Variants in UTP15 observed in about 807,000 individuals in gnomAD.
UTP15 encodes the protein U3 small nucleolar RNA-associated protein 15 homolog.
A neutral mutation model predicts 59.1 loss-of-function variants in UTP15; 5 were observed. The ratio of observed to expected loss-of-function variants is 0.08; its 90% CI spans 0.04 to 0.18. The LOEUF is 0.18. Ranked by LOEUF, UTP15 falls within the 10% of genes least tolerant of loss-of-function variation. The pLI is 1.00. For synonymous variants in UTP15, 211 were observed against 212.2 expected, an observed-to-expected ratio of 0.99 and a Z score of 0.05; for missense variants, 494 against 616.7, an observed-to-expected ratio of 0.80 and a Z score of 2.11.
In UTP15 at chr5:73,579,262, A is replaced by G. The variant is rs1383124540; in HGVS notation, c.1281-55A>G. On this transcript the variant is annotated intron_variant, in intron 11 of 12. Coordinates refer to ENST00000296792, the MANE Select transcript of UTP15 (RefSeq NM_032175.4). Reference sequence around the variant, plus strand: ...AGAACTGATGAAACAAATCTGTTTTAAGGATTTTTTTTTTAAGTTTACAAG... The same window carrying G: ...AGAACTGATGAAACAAATCTGTTTTGAGGATTTTTTTTTTAAGTTTACAAG... 3.8e-6 allele frequency: 6 copies of G among 1,591,274 alleles called. No homozygotes were observed. In the African/African-American group the frequency reaches 8.1e-5, roughly 22 times the overall value.
intron 8 of UTP15, among the ~76,000 whole-genome samples, chr5:73,577,543 A>G (rs1292297592): frequency 6.6e-6 from 1 of 152,188 alleles, no homozygotes; most frequent in Non-Finnish European, 1.5e-5. Flanking sequence ...CTTATTAAAA[A>G]TATTTTTGGG....
intron 12 of UTP15, 137 bp downstream of exon 12, chr5:73,579,512 A>C (rs533881792): frequency 1.1e-5 from 8 of 733,902 alleles, no homozygotes; most frequent in African/African-American, 7.1e-5. Context: ...GGAGAAAACA[A>C]CAAGTCAGTG....
Position 73,568,308 on chromosome 5 carries a change from C to G in UTP15, c.164C>G (p.Ala55Gly). 1 of 1,609,066 alleles carries G rather than the reference C, an allele frequency of 6.2e-7. No individual in the cohort carries two copies. Among genetic ancestry groups the G allele is most frequent in the Non-Finnish European group, 8.5e-7 (1 of 1,178,336 alleles). ...DFSPQPPYNY[A>G]VTASSRIHIY... ...TCTCCTCAGCCTCCATATAATTATG[C>G]TGTCACAGCTTCCTCAAGAGTAAGT... The change falls in exon 3 of 13, where the codon GCT becomes GGT. Residue 55 changes from alanine (A) to glycine (G), a missense_variant. By Grantham distance (60) the Ala-to-Gly change is moderately conservative. Coordinates refer to ENST00000296792, the MANE Select transcript of UTP15 (RefSeq NM_032175.4).
In UTP15 at chr5:73,573,499, C is replaced by T. The variant is rs547395987; in HGVS notation, c.809+875C>T. ...CTGGCCTCGTGTGGTCTGCCCACCA[C>T]GCCCTCCCAAAGTGCTGGGATTACA... On this transcript the variant is annotated intron_variant, in intron 7 of 12. Coordinates refer to ENST00000296792, the MANE Select transcript of UTP15 (RefSeq NM_032175.4). Among the ~76,000 whole-genome samples the T allele has an allele frequency of 1.2e-3, 179 of 152,094 alleles. 1 individual carries two copies. The highest frequency in any genetic ancestry group is 1.7e-3 in the Non-Finnish European group (116 of 68,004).
chr5:73,570,256 C>A (rs1644521356), intron 5 of UTP15, among the ~76,000 whole-genome samples: 1 of 152,086 alleles, frequency 6.6e-6, no homozygotes, highest in South Asian at 2.1e-4. Context: ...TGTATAGTAC[C>A]CTGCCTCAAG....
chr5:73,579,255 C>A, intron 11 of UTP15, 62 bp from the exon 12 acceptor site: 1 of 1,591,488 alleles, frequency 6.3e-7, no homozygotes. Context: ...TGAAACAAAT[C>A]TGTTTTAAGG....
In UTP15 at chr5:73,580,208, C is replaced by T; in HGVS notation, c.*114C>T. 3 of 858,970 alleles carry T rather than the reference C, an allele frequency of 3.5e-6. No homozygotes were observed. The highest frequency in any genetic ancestry group is 2.7e-5 in the East Asian group (1 of 36,408). 53.2% of individuals were successfully genotyped at this position (858,970 alleles called of 1,614,324 possible). A position where few individuals can be genotyped will look rare whatever the true frequency, so the allele number is the denominator to read the frequency against. On this transcript the variant is annotated 3_prime_UTR_variant, in exon 13 of 13. Coordinates refer to ENST00000296792, the MANE Select transcript of UTP15 (RefSeq NM_032175.4). ...AAAAAAACTGTTTGCAGAAGCAGTT[C>T]TGTGGAAGAGACTGGAATAATTATG...
intron 11 of UTP15, 40 bp from the exon 12 acceptor site, chr5:73,579,277 A>G: frequency 6.3e-7 from 1 of 1,583,458 alleles, no homozygotes; most frequent in South Asian, 1.2e-5. Flanking sequence ...TTTTTTTTTT[A>G]AGTTTACAAG....
chr5:73,576,477 CTTT>C (rs754301537), intron 7 of UTP15, among the ~76,000 whole-genome samples: 1 of 130,024 alleles, frequency 7.7e-6, no homozygotes. Flanking sequence ...GTATACAGCT[CTTT>C]TTTTTTTTTT....
At chr5:73,572,698 A>G (rs1002053610) in intron 7 of UTP15, 74 bp downstream of exon 7, 27 of 1,445,806 alleles carry the variant, frequency 1.9e-5, no homozygotes, top group African/African-American at 2.9e-5. Context: ...GAGTTATTTC[A>G]GCAATATTTG....
rs993083060 is a variant in UTP15, at chr5:73,580,783, T to G, written c.*689T>G. 1 of 152,152 alleles carries G rather than the reference T, an allele frequency of 6.6e-6. No homozygotes were observed. The highest frequency in any genetic ancestry group is 2.4e-5 in the African/African-American group (1 of 41,436). The allele number at this position is 152,152 out of a possible 1,614,324, so 9.4% of individuals were successfully genotyped here. ...TTTTTTTTTTTTCTTCATGCAGCCT[T>G]TCTACCAAGTTTTCACCTTGTTTCA... On this transcript the variant is annotated 3_prime_UTR_variant, in exon 13 of 13. Coordinates refer to ENST00000296792, the MANE Select transcript of UTP15 (RefSeq NM_032175.4).
rs1256846548 is a variant in UTP15, at chr5:73,581,816, C to G, written c.*1722C>G. The G allele has an allele frequency of 3.3e-5, 5 of 151,938 alleles. No individual in the cohort carries two copies. Among genetic ancestry groups the G allele is most frequent in the African/African-American group, 1.2e-4 (5 of 41,352 alleles). 9.4% of individuals were successfully genotyped at this position (151,938 alleles called of 1,614,324 possible). A position where few individuals can be genotyped will look rare whatever the true frequency, so the allele number is the denominator to read the frequency against. On this transcript the variant is annotated 3_prime_UTR_variant, in exon 13 of 13. Transcript: ENST00000296792. The stretch of plus-strand genomic sequence containing the variant: ...GGTATGCTTGGAAATAGGGCGTTTC[C>G]TTTTCATGAATTGATTTCGTACAGC...
intron 8 of UTP15, among the ~76,000 whole-genome samples, chr5:73,577,286 C>T (rs1473704233): frequency 2.0e-5 from 3 of 152,072 alleles, no homozygotes; most frequent in Non-Finnish European, 4.4e-5. Context: ...AAACGCAGGA[C>T]CTGGGAAGCT....
intron 7 of UTP15, 66 bp downstream of exon 7, chr5:73,572,690 G>T: frequency 6.8e-7 from 1 of 1,464,160 alleles, no homozygotes; most frequent in Non-Finnish European, 9.3e-7. Flanking sequence ...GAGGAAATGA[G>T]TTATTTCAGC....
rs530523769 is a variant in UTP15 at position 73,576,173 on chromosome 5, C to T, written c.810-779C>T. Among the ~76,000 whole-genome samples, 81 of 147,580 alleles carry T rather than the reference C, an allele frequency of 5.5e-4. 1 individual carries two copies. The highest frequency in any genetic ancestry group is 2.8e-3 in the South Asian group (13 of 4,630). On this transcript the variant is annotated intron_variant, in intron 7 of 12. Transcript: ENST00000296792. ...AGGCTGGAGGGCAGTGGCACGATTTCGGCTCACTGCAACCTCTGCCTCCCA... is the reference window on the plus strand; with the variant it reads ...AGGCTGGAGGGCAGTGGCACGATTTTGGCTCACTGCAACCTCTGCCTCCCA...
At chr5:73,570,905 A>G (rs1033247366) in intron 6 of UTP15, among the ~76,000 whole-genome samples, 194 bp downstream of exon 6, 4 of 152,256 alleles carry the variant, frequency 2.6e-5, no homozygotes, top group African/African-American at 9.6e-5. Context: ...CTGTGCTGTT[A>G]CATATGAACT....
Position 73,577,386 on chromosome 5 carries a change from G to A in UTP15, c.894+350G>A, listed in dbSNP as rs1197190072. 2.6e-5 allele frequency among the ~76,000 whole-genome samples: 4 copies of A among 152,122 alleles called. No individual in the cohort carries two copies. The East Asian group carries it at 7.7e-4, about 29-fold the overall frequency. On this transcript the variant is annotated intron_variant, in intron 8 of 12. Transcript: ENST00000296792. ...TCTCTGAGCAGAAAAAAAGATGTGG[G>A]GAGAAGGGGACAACAAAATGAAATA...
intron 5 of UTP15, 45 bp from the exon 6 acceptor site, chr5:73,570,541 T>C: frequency 1.3e-6 from 2 of 1,595,438 alleles, no homozygotes; most frequent in Non-Finnish European, 1.7e-6. Flanking sequence ...ACAGTTTTTG[T>C]TGTTTTAAAC....
rs1748218429 is a variant in UTP15, at chr5:73,579,109, G to A, written c.1239G>A (p.Arg413=). The change falls in exon 11 of 13, where the codon CGG becomes CGA. Residue 413 remains arginine, a synonymous_variant. Coordinates refer to ENST00000296792, the MANE Select transcript of UTP15 (RefSeq NM_032175.4). ...RGVLANALAG[R]DEKEISHVLN... ...TCCTTGCAAATGCGCTTGCAGGTCG[G>A]GATGAGAAGGAAATCAGTCATGTTC... is the stretch of plus-strand genomic sequence containing the variant. 7 of 1,613,954 alleles carry A rather than the reference G, an allele frequency of 4.3e-6. No homozygotes were observed. The highest frequency in any genetic ancestry group is 5.9e-6 in the Non-Finnish European group (7 of 1,179,898).
Sources: gnomAD v4.1 joint callset for allele counts (sites outside exome capture counted in the v4.1 genomes callset) on GRCh38, gnomAD v4.1.1 for gene constraint, MANE v1.5 for transcripts, NCBI Gene and HGNC (gene_info 2026-07-23, HGNC 2026-07-21) for gene names.